RALYL: variants seen among roughly 807,000 people sequenced by gnomAD.
RALYL encodes RALY RNA binding protein like, also known as RNA-binding Raly-like protein.
RALYL carries 29 observed loss-of-function variants against 35.1 expected under a neutral mutation model. The observed-to-expected ratio is 0.83, with a 90% confidence interval of 0.61 to 1.13. The LOEUF (loss-of-function observed/expected upper bound fraction) is 1.13, where lower values mean the gene tolerates loss of function less well. RALYL is among the 50% of genes most tolerant of loss of function. RALYL has a pLI of 0.00. For missense variants in RALYL, 359 were observed against 360.4 expected (o/e 1.00, Z 0.03); for synonymous variants, 120 against 127.6 (o/e 0.94, Z 0.40).
chr8:84,555,960 A>T (rs902048246), intron 2 of RALYL, among the ~76,000 whole-genome samples: 1 of 152,230 alleles, frequency 6.6e-6, no homozygotes, highest in Non-Finnish European at 1.5e-5. Context: ...AGTCATAAAC[A>T]TTAGAAAGAA....
chr8:84,887,810 G>GGTGTGAATGTTT, intron 8 of RALYL, 34 bp downstream of exon 8: 1 of 1,572,908 alleles, frequency 6.4e-7, no homozygotes, highest in Non-Finnish European at 8.7e-7. Flanking sequence ...CACACCCTTT[G>GGTGTGAATGTTT]GGTAACAACA....
intron 1 of RALYL, among the ~76,000 whole-genome samples, chr8:84,203,195 A>C (rs1212605179): frequency 6.6e-6 from 1 of 152,074 alleles, no homozygotes; most frequent in African/African-American, 2.4e-5. Context: ...TGTAAAGTAC[A>C]TTCTCCTTTT....
intron 1 of RALYL, among the ~76,000 whole-genome samples, chr8:84,248,193 G>T (rs925596452): frequency 6.6e-6 from 1 of 152,010 alleles, no homozygotes; most frequent in Non-Finnish European, 1.5e-5. Flanking sequence ...AAATTTAGTT[G>T]GCTACATCAG....
chr8:84,685,117 C>A (rs533678003), intron 2 of RALYL, among the ~76,000 whole-genome samples: 2 of 152,164 alleles, frequency 1.3e-5, no homozygotes, highest in South Asian at 4.2e-4. Flanking sequence ...CCCAAAGGCC[C>A]CATTTCCAAA....
At chr8:84,267,340 T>G (rs1833528321) in intron 1 of RALYL, among the ~76,000 whole-genome samples, 1 of 152,204 alleles carries the variant, frequency 6.6e-6, no homozygotes, top group African/African-American at 2.4e-5. Context: ...ACCTGAAGCA[T>G]GCATTGATGA....
chr8:84,366,362 A>G (rs1164320323), intron 1 of RALYL, among the ~76,000 whole-genome samples: 1 of 152,234 alleles, frequency 6.6e-6, no homozygotes, highest in Non-Finnish European at 1.5e-5. Context: ...CCTCTAAAAT[A>G]ACTAATTTGC....
At chr8:84,566,009 A>G (rs1204545193) in intron 2 of RALYL, among the ~76,000 whole-genome samples, 1 of 151,424 alleles carries the variant, frequency 6.6e-6, no homozygotes, top group African/African-American at 2.4e-5. Flanking sequence ...CACAAAACCA[A>G]TTCATTTGAA....
intron 2 of RALYL, among the ~76,000 whole-genome samples, chr8:84,562,196 G>C (rs1252218): frequency 0.099 from 15,010 of 151,910 alleles, 1,032 homozygotes; most frequent in Non-Finnish European, 0.14. Flanking sequence ...TTGTGTGCCA[G>C]CTATCATGTA....
chr8:84,722,808 A>T (rs1212809821), intron 2 of RALYL, among the ~76,000 whole-genome samples: 1 of 150,260 alleles, frequency 6.7e-6, no homozygotes, highest in African/African-American at 2.4e-5. Flanking sequence ...ATATATATAT[A>T]GTGTGACAAT....
At chr8:84,297,804 T>C (rs186386343) in intron 1 of RALYL, among the ~76,000 whole-genome samples, 1 of 152,270 alleles carries the variant, frequency 6.6e-6, no homozygotes, top group East Asian at 1.9e-4. Flanking sequence ...ATTAGTGTTA[T>C]TGAGCATTTT....
chr8:84,290,558 A>G (rs541918484), intron 1 of RALYL, among the ~76,000 whole-genome samples: 1 of 152,236 alleles, frequency 6.6e-6, no homozygotes, highest in African/African-American at 2.4e-5. Flanking sequence ...CAGGAAAAGG[A>G]CTTTCACAAG....
intron 2 of RALYL, among the ~76,000 whole-genome samples, chr8:84,584,947 T>C (rs2136029100): frequency 6.6e-6 from 1 of 152,310 alleles, no homozygotes; most frequent in East Asian, 1.9e-4. Flanking sequence ...TTATGAGTGG[T>C]TTGCCCTAGA....
At chr8:84,899,473 G>A (rs1281706090) in intron 8 of RALYL, among the ~76,000 whole-genome samples, 2 of 152,032 alleles carry the variant, frequency 1.3e-5, no homozygotes, top group African/African-American at 4.8e-5. Context: ...CATATTATGA[G>A]CATTTTAAGT....
rs192446388 is a variant in RALYL at position 84,185,792 on chromosome 8, G to T, written c.-24+1368G>T. 2.5e-3 allele frequency among the ~76,000 whole-genome samples: 375 copies of T among 152,206 alleles called. 2 individuals are homozygous for T. The highest frequency in any genetic ancestry group is 8.2e-3 in the African/African-American group (340 of 41,530). On this transcript the variant is annotated intron_variant, in intron 1 of 8. Transcript: ENST00000521268. The stretch of plus-strand genomic sequence containing the variant: ...CTAGGTAACTACAGAAATAAAAACT[G>T]ACTGCAACATACAGAGGGGCCCATG...
intron 2 of RALYL, among the ~76,000 whole-genome samples, chr8:84,721,205 TA>T (rs60532946): frequency 0.23 from 33,931 of 145,136 alleles, 3,962 homozygotes; most frequent in African/African-American, 0.24. Context: ...CTATCTCTAT[TA>T]AAAAAAAAAA....
chr8:84,219,646 T>C (rs992259847), intron 1 of RALYL, among the ~76,000 whole-genome samples: 1 of 151,996 alleles, frequency 6.6e-6, no homozygotes, highest in Non-Finnish European at 1.5e-5. Context: ...AAATCATATT[T>C]CTTTCCAGAG....
chr8:84,808,653 A>ATTTG (rs1476606141), intron 4 of RALYL, among the ~76,000 whole-genome samples: 1 of 152,082 alleles, frequency 6.6e-6, no homozygotes, highest in African/African-American at 2.4e-5. Flanking sequence ...AAGTATTTCC[A>ATTTG]TTTGTTTGTG....
intron 2 of RALYL, among the ~76,000 whole-genome samples, chr8:84,716,471 G>A (rs1318018402): frequency 3.9e-5 from 6 of 152,120 alleles, no homozygotes; most frequent in Admixed American, 3.9e-4. Flanking sequence ...CACATGCTTG[G>A]CCTTCATAAG....
intron 2 of RALYL, among the ~76,000 whole-genome samples, chr8:84,711,413 A>C (rs1842165286): frequency 6.6e-6 from 1 of 152,210 alleles, no homozygotes; most frequent in African/African-American, 2.4e-5. Flanking sequence ...CAAGGCATGC[A>C]GTCATTGACT....
Sources: allele counts gnomAD v4.1 joint callset (sites outside exome capture counted in the v4.1 genomes callset), GRCh38; gene constraint gnomAD v4.1.1; transcripts MANE v1.5; gene names NCBI Gene and HGNC (gene_info 2026-07-23, HGNC 2026-07-21).